Variants in NME7 observed in about 807,000 individuals in gnomAD.
The protein encoded by NME7 is nucleoside diphosphate kinase 7.
In NME7, 41 loss-of-function variants were observed where a neutral mutation model predicts 49.1. The observed-to-expected ratio is 0.83, with a 90% confidence interval of 0.65 to 1.08. The LOEUF (loss-of-function observed/expected upper bound fraction) is 1.08. Among genes scored for constraint, NME7 ranks in the 50% least tolerant of loss-of-function variants. The pLI is 0.00. For missense variants in NME7, 423 were observed against 463.4 expected, an observed-to-expected ratio of 0.91 and a Z score of 0.80; for synonymous variants, 139 against 150.6, an observed-to-expected ratio of 0.92 and a Z score of 0.56.
In NME7 at chr1:169,259,651, CA is replaced by C. The variant is rs1649100317; in HGVS notation, c.755-21965del. 3.0e-5 allele frequency among the ~76,000 whole-genome samples: 4 copies of C among 134,030 alleles called. 1 individual carries two copies. Among genetic ancestry groups the C allele is most frequent in the African/African-American group, 1.0e-4 (4 of 39,540 alleles). The allele number at this position is 134,030 out of a possible 152,430, so 87.9% of individuals were successfully genotyped here. A position where few individuals can be genotyped will look rare whatever the true frequency, so the allele number is the denominator to read the frequency against. On this transcript the variant is annotated intron_variant, in intron 7 of 11. Coordinates refer to ENST00000367811, the MANE Select transcript of NME7 (RefSeq NM_013330.5). ...AATTTGAGGTGCATGTTTTGAATCACATTAACAGATTAAATAAAAATCTATG... is the reference window on the plus strand; with the variant it reads ...AATTTGAGGTGCATGTTTTGAATCACTTAACAGATTAAATAAAAATCTATG...
intron 7 of NME7, among the ~76,000 whole-genome samples, chr1:169,251,324 G>A (rs766761910): frequency 2.6e-5 from 4 of 151,798 alleles, no homozygotes; most frequent in Non-Finnish European, 5.9e-5. Flanking sequence ...CATTTGGAGT[G>A]GAATATCTTT....
chr1:169,223,578 T>C (rs1014103085), intron 10 of NME7, among the ~76,000 whole-genome samples: 1 of 152,222 alleles, frequency 6.6e-6, no homozygotes, highest in Non-Finnish European at 1.5e-5. Flanking sequence ...TTCTGTGTCC[T>C]ATTGATATGT....
chr1:169,194,836 G>A (rs1334525931), intron 10 of NME7, among the ~76,000 whole-genome samples: 2 of 152,170 alleles, frequency 1.3e-5, no homozygotes, highest in African/African-American at 4.8e-5. Flanking sequence ...GGATACTTAG[G>A]CAAATATCCT....
chr1:169,321,055 T>G (rs1651835081), intron 3 of NME7, among the ~76,000 whole-genome samples: 1 of 152,198 alleles, frequency 6.6e-6, no homozygotes, highest in South Asian at 2.1e-4. Flanking sequence ...AATACATAAA[T>G]TATAATTTTT....
At chr1:169,349,306 AT>A (rs1386750264) in intron 1 of NME7, among the ~76,000 whole-genome samples, 4 of 152,106 alleles carry the variant, frequency 2.6e-5, no homozygotes, top group African/African-American at 9.7e-5. Flanking sequence ...CAGGTCAACA[AT>A]TTCATTTCTC....
At chr1:169,279,889 G>C (rs1649930935) in intron 7 of NME7, among the ~76,000 whole-genome samples, 1 of 152,202 alleles carries the variant, frequency 6.6e-6, no homozygotes, top group Non-Finnish European at 1.5e-5. Context: ...TTGGTTCCAA[G>C]TCTGTGCTAT....
At chr1:169,148,979 G>A (rs1242098766) in intron 11 of NME7, among the ~76,000 whole-genome samples, 2 of 152,124 alleles carry the variant, frequency 1.3e-5, no homozygotes, top group African/African-American at 4.8e-5. Flanking sequence ...ATGCTCTTCT[G>A]GAAGTTCTTT....
intron 1 of NME7, among the ~76,000 whole-genome samples, chr1:169,365,697 C>A (rs1020059340): frequency 1.3e-5 from 2 of 152,030 alleles, no homozygotes; most frequent in Non-Finnish European, 2.9e-5. Context: ...GTGAGTAAAT[C>A]AACAGGTTGG....
At chr1:169,308,915 TAAG>T (rs1300598673) in intron 4 of NME7, among the ~76,000 whole-genome samples, 1 of 152,150 alleles carries the variant, frequency 6.6e-6, no homozygotes, top group African/African-American at 2.4e-5. Context: ...TTATTTATAA[TAAG>T]AAGAGCTAAA....
chr1:169,364,366 T>G (rs1653772124), intron 1 of NME7, among the ~76,000 whole-genome samples: 1 of 152,120 alleles, frequency 6.6e-6, no homozygotes, highest in African/African-American at 2.4e-5. Flanking sequence ...GATTTCACAG[T>G]GTGGAGGGGA....
chr1:169,224,880 G>A (rs1490265298), intron 10 of NME7, among the ~76,000 whole-genome samples: 2 of 152,060 alleles, frequency 1.3e-5, no homozygotes, highest in Admixed American at 6.6e-5. Context: ...AAATTTAACA[G>A]GTGATATAAA....
intron 11 of NME7, among the ~76,000 whole-genome samples, chr1:169,150,993 G>T (rs1399146625): frequency 6.6e-6 from 1 of 152,138 alleles, no homozygotes; most frequent in Non-Finnish European, 1.5e-5. Flanking sequence ...TTCTACTTTT[G>T]ATGTTTTTCA....
At chr1:169,324,236 T>C (rs1242303942) in intron 2 of NME7, among the ~76,000 whole-genome samples, 157 bp downstream of exon 2, 1 of 152,148 alleles carries the variant, frequency 6.6e-6, no homozygotes, top group Non-Finnish European at 1.5e-5. Flanking sequence ...ACTTCTTATA[T>C]TGGAATTATA....
chr1:169,184,849 G>T (rs1424082608), intron 10 of NME7, among the ~76,000 whole-genome samples: 1 of 152,116 alleles, frequency 6.6e-6, no homozygotes, highest in Non-Finnish European at 1.5e-5. Context: ...GATTTGTATT[G>T]TTTGCTCATT....
At chr1:169,239,011 AT>A (rs748867442) in intron 7 of NME7, among the ~76,000 whole-genome samples, 3 of 152,066 alleles carry the variant, frequency 2.0e-5, no homozygotes, top group Non-Finnish European at 4.4e-5. Flanking sequence ...ATTACTAAAA[AT>A]TAAAATAATT....
chr1:169,326,195 A>G (rs1480891852), intron 1 of NME7, among the ~76,000 whole-genome samples: 1 of 152,148 alleles, frequency 6.6e-6, no homozygotes, highest in Non-Finnish European at 1.5e-5. Context: ...CCTGCCAACC[A>G]CACTCTTTAA....
At position 169,132,708 on chromosome 1, in the gene NME7, AGAAT is replaced by A; in HGVS notation, c.*73_*76del. The A allele has an allele frequency of 7.2e-7, 1 of 1,382,964 alleles. No individual in the cohort carries two copies. Among genetic ancestry groups the A allele is most frequent in the Non-Finnish European group, 1.0e-6 (1 of 980,300 alleles). The allele number at this position is 1,382,964 out of a possible 1,614,324, so 85.7% of individuals were successfully genotyped here. On this transcript the variant is annotated 3_prime_UTR_variant, in exon 12 of 12. Transcript: ENST00000367811. The stretch of plus-strand genomic sequence containing the variant: ...TCAGGTTAAAACAACGGACAATAAA[AGAAT>A]GAACACATTCCTCGTGTGTGATTCA...
intron 7 of NME7, among the ~76,000 whole-genome samples, chr1:169,268,600 C>T (rs1571341115): frequency 7.5e-6 from 1 of 133,668 alleles, no homozygotes; most frequent in East Asian, 2.0e-4. Flanking sequence ...GAATACTCTG[C>T]AGCCATTAAC....
chr1:169,258,034 G>A (rs909966804), intron 7 of NME7, among the ~76,000 whole-genome samples: 2 of 132,972 alleles, frequency 1.5e-5, no homozygotes, highest in African/African-American at 5.1e-5. Context: ...TTGAGTGTTT[G>A]TTTCTATTTT....
Sources: allele counts gnomAD v4.1 joint callset (sites outside exome capture counted in the v4.1 genomes callset), GRCh38; gene constraint gnomAD v4.1.1; transcripts MANE v1.5; gene names NCBI Gene and HGNC (gene_info 2026-07-23, HGNC 2026-07-21).